The following CHSY3 variants were observed in gnomAD, a reference collection of about 807,000 sequenced individuals.
CHSY3 encodes N-acetylgalactosaminyl-proteoglycan 3-beta-glucuronosyltransferase 3.
In CHSY3, 35 loss-of-function variants were observed where a neutral mutation model predicts 67.2. The ratio of observed to expected loss-of-function variants is 0.52; its 90% CI spans 0.40 to 0.69. CHSY3 has a LOEUF of 0.69. CHSY3 is among the 30% of genes least tolerant of loss of function. The probability of loss-of-function intolerance (pLI) is 0.00; values close to 1 mark genes in which losing one functional copy is unlikely to be tolerated. For missense variants in CHSY3, 1,069 were observed against 1,138.5 expected, an observed-to-expected ratio of 0.94 and a Z score of 0.88; for synonymous variants, 474 against 434.7, an observed-to-expected ratio of 1.09 and a Z score of -1.12.
At chr5:129,970,181 TTTTA>T (rs1762598559) in intron 2 of CHSY3, among the ~76,000 whole-genome samples, 1 of 151,902 alleles carries the variant, frequency 6.6e-6, no homozygotes, top group Admixed American at 6.6e-5. Flanking sequence ...ACTGAAATTA[TTTTA>T]TTTGTCTGTT....
At position 130,185,862 on chromosome 5, in the gene CHSY3, G is replaced by GTATTATTGTTATTTTATTAT; in HGVS notation, c.*84_*103dup. The GTATTATTGTTATTTTATTAT allele has an allele frequency of 1.2e-6, 1 of 829,360 alleles. No individual in the cohort carries two copies. The highest frequency in any genetic ancestry group is 1.7e-6 in the Non-Finnish European group (1 of 579,010). 51.4% of individuals were successfully genotyped at this position (829,360 alleles called of 1,614,324 possible). ...ATTGTTGGTTGTTGTTATTTTTATT[G>GTATTATTGTTATTTTATTAT]TATTATTGTTATTTTATTATTATTA... On this transcript the variant is annotated 3_prime_UTR_variant, in exon 3 of 3. Coordinates refer to ENST00000305031, the MANE Select transcript of CHSY3 (RefSeq NM_175856.5).
chr5:130,161,334 T>C (rs1035850764), intron 2 of CHSY3, among the ~76,000 whole-genome samples: 4 of 152,236 alleles, frequency 2.6e-5, no homozygotes, highest in African/African-American at 9.6e-5. Context: ...TCTATTCTAC[T>C]GATCTATTTA....
At chr5:130,183,889 A>G (rs1162485683) in intron 2 of CHSY3, among the ~76,000 whole-genome samples, 2 of 151,982 alleles carry the variant, frequency 1.3e-5, no homozygotes, top group Non-Finnish European at 2.9e-5. Context: ...TGCTAAAAAA[A>G]GATGATAAAT....
chr5:129,911,780 G>C (rs1033139312), intron 2 of CHSY3, among the ~76,000 whole-genome samples: 4 of 152,170 alleles, frequency 2.6e-5, no homozygotes, highest in African/African-American at 9.7e-5. Flanking sequence ...CTATGGGCTG[G>C]GCGCAGTGGC....
chr5:129,904,568 A>ACCGCCG lies in CHSY3; in HGVS notation c.-255_-250dup, dbSNP rs1320758031. On this transcript the variant is annotated 5_prime_UTR_variant, in exon 1 of 3. Coordinates refer to ENST00000305031, the MANE Select transcript of CHSY3 (RefSeq NM_175856.5). Reference sequence around the variant, plus strand: ...TGCCGCTGCTGCCGCCGCTGCCGCCACCGCCGCCGCCGGGAGAAGTTTCAC... The same window carrying ACCGCCG: ...TGCCGCTGCTGCCGCCGCTGCCGCCACCGCCGCCGCCGCCGCCGGGAGAAGTTTCAC... 1.2e-5 allele frequency: 5 copies of ACCGCCG among 418,146 alleles called. No individual in the cohort carries two copies. The highest frequency in any genetic ancestry group is 1.9e-5 in the Non-Finnish European group (5 of 264,980). 25.9% of individuals were successfully genotyped at this position (418,146 alleles called of 1,614,324 possible). A position where few individuals can be genotyped will look rare whatever the true frequency, so the allele number is the denominator to read the frequency against.
intron 2 of CHSY3, among the ~76,000 whole-genome samples, chr5:129,995,684 T>C (rs889262067): frequency 2.6e-5 from 4 of 151,964 alleles, no homozygotes; most frequent in African/African-American, 9.7e-5. Context: ...CTAATTCTAG[T>C]CATTAGTTCT....
intron 2 of CHSY3, among the ~76,000 whole-genome samples, chr5:130,134,020 CTT>C (rs1398521821): frequency 6.6e-6 from 1 of 152,078 alleles, no homozygotes; most frequent in Admixed American, 6.6e-5. Flanking sequence ...CTTGACTTGA[CTT>C]AACGTATTAT....
intron 2 of CHSY3, among the ~76,000 whole-genome samples, chr5:129,962,203 G>A (rs536775587): frequency 6.6e-6 from 1 of 151,892 alleles, no homozygotes; most frequent in Non-Finnish European, 1.5e-5. Flanking sequence ...ATGGCTGAAC[G>A]CATAACCTTC....
chr5:130,013,117 G>C (rs1157590664), intron 2 of CHSY3, among the ~76,000 whole-genome samples: 1 of 152,136 alleles, frequency 6.6e-6, no homozygotes, highest in Non-Finnish European at 1.5e-5. Flanking sequence ...GTTCTAAAAT[G>C]ATTTCCTTTA....
At chr5:130,042,828 TCCTGGTACGTATTACCTAAC>T (rs1442688977) in intron 2 of CHSY3, among the ~76,000 whole-genome samples, 1 of 152,074 alleles carries the variant, frequency 6.6e-6, no homozygotes, top group Non-Finnish European at 1.5e-5. Context: ...CTGCTTGTTA[TCCTGGTACGTATTACCTAAC>T]CCTCATTAGT....
In CHSY3 at chr5:130,145,278, G is replaced by T. The variant is rs4836495; in HGVS notation, c.1087-38951G>T. ...TAAATCAATGGAACATAATAAAGAGGCCAAACATAGTTCACACAGCTATGT... is the reference window on the plus strand; with the variant it reads ...TAAATCAATGGAACATAATAAAGAGTCCAAACATAGTTCACACAGCTATGT... On this transcript the variant is annotated intron_variant, in intron 2 of 2. Transcript: ENST00000305031. 9.5e-4 allele frequency among the ~76,000 whole-genome samples: 145 copies of T among 152,052 alleles called. 1 individual carries two copies. The highest frequency in any genetic ancestry group is 3.4e-3 in the Middle Eastern group (1 of 294).
chr5:129,990,735 G>A (rs1401466845), intron 2 of CHSY3, among the ~76,000 whole-genome samples: 1 of 151,950 alleles, frequency 6.6e-6, no homozygotes, highest in African/African-American at 2.4e-5. Flanking sequence ...TCATTCATTT[G>A]GCAATAATTT....
intron 2 of CHSY3, among the ~76,000 whole-genome samples, chr5:130,070,978 A>G (rs1208584124): frequency 6.6e-6 from 1 of 152,078 alleles, no homozygotes; most frequent in Non-Finnish European, 1.5e-5. Context: ...AAAACTATAT[A>G]GGTTCCTGTG....
chr5:130,123,887 C>G (rs576034056), intron 2 of CHSY3, among the ~76,000 whole-genome samples: 2 of 151,594 alleles, frequency 1.3e-5, no homozygotes, highest in Admixed American at 1.3e-4. Flanking sequence ...GAAACCCCAT[C>G]TCTACTAAAA....
intron 2 of CHSY3, among the ~76,000 whole-genome samples, chr5:129,916,334 A>G (rs1051125372): frequency 6.6e-6 from 1 of 152,202 alleles, no homozygotes; most frequent in Admixed American, 6.5e-5. Flanking sequence ...AATGGAGGAA[A>G]CCAACTAGGT....
At chr5:129,979,371 A>ATTT (rs768775378) in intron 2 of CHSY3, among the ~76,000 whole-genome samples, 223 of 152,274 alleles carry the variant, frequency 1.5e-3, no homozygotes, top group South Asian at 2.9e-3. Flanking sequence ...TATTTACTAA[A>ATTT]TATTCACTGT....
chr5:130,118,562 T>C (rs1203636688), intron 2 of CHSY3, among the ~76,000 whole-genome samples: 7 of 151,988 alleles, frequency 4.6e-5, no homozygotes, highest in African/African-American at 1.4e-4. Context: ...ATAGTGGTGA[T>C]TCTCATTAAC....
chr5:129,913,617 T>A (rs1760639875), intron 2 of CHSY3, among the ~76,000 whole-genome samples: 2 of 152,312 alleles, frequency 1.3e-5, no homozygotes, highest in East Asian at 3.9e-4. Flanking sequence ...ATAATTTTAA[T>A]TCTGATTATT....
intron 2 of CHSY3, among the ~76,000 whole-genome samples, chr5:129,985,886 T>G (rs1763185651): frequency 6.6e-6 from 1 of 152,158 alleles, no homozygotes; most frequent in Non-Finnish European, 1.5e-5. Flanking sequence ...TCTTGAAACT[T>G]GGCTGAAGTT....
Sources: allele counts gnomAD v4.1 joint callset (sites outside exome capture counted in the v4.1 genomes callset), GRCh38; gene constraint gnomAD v4.1.1; transcripts MANE v1.5; gene names NCBI Gene and HGNC (gene_info 2026-07-23, HGNC 2026-07-21).